The following PHACTR1 variants were observed in gnomAD, a reference collection of about 807,000 sequenced individuals.
The protein encoded by PHACTR1 is RPEL repeat containing 1.
Under a neutral mutation model 69.2 loss-of-function variants are expected in PHACTR1, and 16 were observed. That is an observed-to-expected ratio of 0.23 (90% CI 0.16 to 0.35). The LOEUF is 0.35. PHACTR1 is among the 10% of genes least tolerant of loss of function. The pLI is 1.00. For missense variants in PHACTR1, 510 were observed against 734.7 expected, an observed-to-expected ratio of 0.69 and a Z score of 3.54; for synonymous variants, 312 against 284.5, an observed-to-expected ratio of 1.10 and a Z score of -0.97.
Position 13,023,036 on chromosome 6 carries a change from T to TAA in PHACTR1, c.251-30328_251-30327dup, listed in dbSNP as rs201220478. 7.4e-3 allele frequency among the ~76,000 whole-genome samples: 1,117 copies of TAA among 151,910 alleles called. 18 individuals carry two copies. The highest frequency in any genetic ancestry group is 0.026 in the African/African-American group (1,068 of 41,434). ...TGTCTCAAAATAATAATAATAATAA[T>TAA]AATAAAAATAAAGTACCACTCCTGA... On this transcript the variant is annotated intron_variant, in intron 4 of 14. Coordinates refer to ENST00000332995, the MANE Select transcript of PHACTR1 (RefSeq NM_030948.6).
chr6:13,224,944 G>A (rs535688081), intron 8 of PHACTR1, among the ~76,000 whole-genome samples: 1 of 152,302 alleles, frequency 6.6e-6, no homozygotes, highest in Admixed American at 6.5e-5. Context: ...CGTGTCAACA[G>A]GCGACTTCAC....
intron 3 of PHACTR1, among the ~76,000 whole-genome samples, chr6:12,720,449 C>G (rs1761966704): frequency 6.6e-6 from 1 of 152,148 alleles, no homozygotes; most frequent in South Asian, 2.1e-4. Flanking sequence ...GTGTGGGAGG[C>G]TCGGGAGGAC....
chr6:13,059,624 T>A (rs1807386973), intron 5 of PHACTR1, among the ~76,000 whole-genome samples: 1 of 152,220 alleles, frequency 6.6e-6, no homozygotes, highest in Non-Finnish European at 1.5e-5. Context: ...ATATGCAGTT[T>A]GCACACAGTT....
chr6:13,284,996 TGACA>T (rs1781351839), intron 13 of PHACTR1, among the ~76,000 whole-genome samples: 2 of 152,212 alleles, frequency 1.3e-5, no homozygotes. Context: ...GCCATGCCCC[TGACA>T]GACAAACCCA....
intron 11 of PHACTR1, 87 bp downstream of exon 11, chr6:13,273,002 C>G (rs541558458): frequency 7.8e-6 from 12 of 1,541,786 alleles, no homozygotes; most frequent in Admixed American, 1.9e-5. Context: ...TTCTACCTTG[C>G]GCCTCTGCGG....
chr6:13,149,553 G>C (rs1223533), intron 5 of PHACTR1, among the ~76,000 whole-genome samples: 143,686 of 152,246 alleles, frequency 0.94, 68,209 homozygotes, highest in Non-Finnish European at 0.99. Context: ...CACTGTGCAG[G>C]TTTACACAAG....
chr6:13,070,623 A>G (rs537156119), intron 5 of PHACTR1, among the ~76,000 whole-genome samples: 1 of 152,302 alleles, frequency 6.6e-6, no homozygotes, highest in South Asian at 2.1e-4. Flanking sequence ...TTGAAAACAT[A>G]CAGAGTGAAA....
chr6:13,273,252 C>A, intron 11 of PHACTR1: 1 of 269,136 alleles, frequency 3.7e-6, no homozygotes, highest in Non-Finnish European at 7.0e-6. Context: ...CCAGAATTGG[C>A]TTGAAAATGG....
intron 4 of PHACTR1, among the ~76,000 whole-genome samples, chr6:12,984,181 G>A (rs777084903): frequency 3.3e-5 from 5 of 152,128 alleles, no homozygotes; most frequent in Non-Finnish European, 7.4e-5. Flanking sequence ...AAAGTGTTCC[G>A]ATTTCTCCAC....
At chr6:13,265,845 A>T (rs1776620349) in intron 10 of PHACTR1, among the ~76,000 whole-genome samples, 2 of 152,168 alleles carry the variant, frequency 1.3e-5, no homozygotes, top group Non-Finnish European at 2.9e-5. Flanking sequence ...AAATACTGGA[A>T]TTCGGCAAAG....
intron 7 of PHACTR1, among the ~76,000 whole-genome samples, chr6:13,204,063 G>A (rs1765577619): frequency 6.6e-6 from 1 of 152,150 alleles, no homozygotes; most frequent in African/African-American, 2.4e-5. Flanking sequence ...TTCTGCTCCA[G>A]CTTTTCAGGT....
rs202155313 is a variant in PHACTR1, at chr6:13,271,812, C to A, written c.1392-1048C>A. Among the ~76,000 whole-genome samples, 12 of 152,070 alleles carry A rather than the reference C, an allele frequency of 7.9e-5. No homozygotes were observed. The East Asian group carries it at 2.3e-3, about 29-fold the overall frequency. On this transcript the variant is annotated intron_variant, in intron 10 of 14. Transcript: ENST00000332995. The stretch of plus-strand genomic sequence containing the variant: ...GGAGACTTCATTGACTTGATATTTT[C>A]ACTCTAGGATCTCTCTTTAGATTTC...
chr6:13,203,745 A>G (rs771183932), intron 7 of PHACTR1, among the ~76,000 whole-genome samples: 2 of 152,236 alleles, frequency 1.3e-5, no homozygotes, highest in Non-Finnish European at 2.9e-5. Context: ...TTATGGGAAC[A>G]TCAGGCAGTT....
chr6:13,195,391 T>A (rs377130450), intron 7 of PHACTR1, among the ~76,000 whole-genome samples: 2 of 152,200 alleles, frequency 1.3e-5, no homozygotes, highest in Non-Finnish European at 2.9e-5. Context: ...CACTAAGTGC[T>A]GTGCTCATTG....
chr6:13,185,858 A>G (rs1373951219), intron 7 of PHACTR1, among the ~76,000 whole-genome samples: 1 of 152,224 alleles, frequency 6.6e-6, no homozygotes. Context: ...GGAATTAGGG[A>G]AAAATATTCA....
chr6:12,786,315 C>T (rs534145691), intron 4 of PHACTR1, among the ~76,000 whole-genome samples: 9 of 152,316 alleles, frequency 5.9e-5, no homozygotes, highest in African/African-American at 2.2e-4. Context: ...TCCAGCATTA[C>T]AAATTCATAG....
chr6:12,735,392 C>T (rs1206704500), intron 3 of PHACTR1, among the ~76,000 whole-genome samples: 3 of 152,182 alleles, frequency 2.0e-5, no homozygotes, highest in Non-Finnish European at 4.4e-5. Context: ...AGTGACTACA[C>T]AAGGGCATGA....
chr6:13,224,039 C>A (rs576702030), intron 8 of PHACTR1, among the ~76,000 whole-genome samples: 26 of 152,254 alleles, frequency 1.7e-4, no homozygotes, highest in Non-Finnish European at 3.5e-4. Flanking sequence ...TGACTGCTTA[C>A]AAATATATCT....
At chr6:12,764,409 T>C (rs1206362521) in intron 4 of PHACTR1, among the ~76,000 whole-genome samples, 2 of 152,236 alleles carry the variant, frequency 1.3e-5, no homozygotes, top group African/African-American at 4.8e-5. Flanking sequence ...GAGCACAGTC[T>C]AGTATCTTTT....
Sources: allele counts gnomAD v4.1 joint callset (sites outside exome capture counted in the v4.1 genomes callset), GRCh38; gene constraint gnomAD v4.1.1; transcripts MANE v1.5; gene names NCBI Gene and HGNC (gene_info 2026-07-23, HGNC 2026-07-21).